ZFAND3: variants seen among roughly 807,000 people sequenced by gnomAD.
ZFAND3 encodes AN1-type zinc finger protein 3.
Under a neutral mutation model 29.6 loss-of-function variants are expected in ZFAND3, and 10 were observed. The ratio of observed to expected loss-of-function variants is 0.34; its 90% CI spans 0.21 to 0.57. The LOEUF (loss-of-function observed/expected upper bound fraction) is 0.57, where lower values mean the gene tolerates loss of function less well. Among genes scored for constraint, ZFAND3 ranks in the 20% least tolerant of loss-of-function variants. ZFAND3 has a pLI of 0.86. For synonymous variants in ZFAND3, 128 were observed against 112.6 expected, an observed-to-expected ratio of 1.14 and a Z score of -0.87; for missense variants, 230 against 304.5, an observed-to-expected ratio of 0.76 and a Z score of 1.82.
At chr6:37,937,370 C>T (rs1761716568) in intron 2 of ZFAND3, among the ~76,000 whole-genome samples, 1 of 152,122 alleles carries the variant, frequency 6.6e-6, no homozygotes, top group South Asian at 2.1e-4. Context: ...AAGAAAGCAA[C>T]TGTTGGCCAG....
chr6:38,125,657 C>G (rs770904049), intron 5 of ZFAND3, among the ~76,000 whole-genome samples: 1 of 152,142 alleles, frequency 6.6e-6, no homozygotes, highest in Admixed American at 6.5e-5. Context: ...AGTAACAGCA[C>G]AATAATAGTG....
intron 1 of ZFAND3, among the ~76,000 whole-genome samples, chr6:37,867,253 G>A (rs1437534970): frequency 6.6e-6 from 1 of 152,186 alleles, no homozygotes; most frequent in African/African-American, 2.4e-5. Context: ...TGTGGAACTT[G>A]CTTGCTGTGG....
At chr6:37,935,134 T>G (rs1443626730) in intron 2 of ZFAND3, among the ~76,000 whole-genome samples, 1 of 152,176 alleles carries the variant, frequency 6.6e-6, no homozygotes, top group East Asian at 1.9e-4. Context: ...TTGATTATTT[T>G]TATATTATTG....
intron 1 of ZFAND3, among the ~76,000 whole-genome samples, chr6:37,924,957 G>A (rs1225905478): frequency 6.6e-6 from 1 of 152,146 alleles, no homozygotes; most frequent in Non-Finnish European, 1.5e-5. Context: ...GAGCCCTACA[G>A]CACAGTCAGA....
chr6:37,875,220 G>GC (rs1281372390), intron 1 of ZFAND3, among the ~76,000 whole-genome samples: 2 of 151,924 alleles, frequency 1.3e-5, no homozygotes, highest in African/African-American at 4.8e-5. Flanking sequence ...ACTCACCCTG[G>GC]CCCCCCAATT....
Position 38,153,618 on chromosome 6 carries a change from C to A in ZFAND3, c.*1229C>A. On this transcript the variant is annotated 3_prime_UTR_variant, in exon 6 of 6. Coordinates refer to ENST00000287218, the MANE Select transcript of ZFAND3 (RefSeq NM_021943.3). The stretch of plus-strand genomic sequence containing the variant: ...TGAGGGTACATTTCTCCACCTGTGC[C>A]CCCTCATGTTCACAGAGGATTTCAG... 1 of 985,370 alleles carries A rather than the reference C, an allele frequency of 1.0e-6. No individual in the cohort carries two copies. Among genetic ancestry groups the A allele is most frequent in the Admixed American group, 6.1e-5 (1 of 16,268 alleles). The allele number at this position is 985,370 out of a possible 1,614,324, so 61.0% of individuals were successfully genotyped here. A position where few individuals can be genotyped will look rare whatever the true frequency, so the allele number is the denominator to read the frequency against.
At chr6:38,017,970 T>A (rs1003269928) in intron 2 of ZFAND3, among the ~76,000 whole-genome samples, 1 of 152,236 alleles carries the variant, frequency 6.6e-6, no homozygotes, top group African/African-American at 2.4e-5. Context: ...TACTTATAAT[T>A]TGCCCTTCCC....
intron 2 of ZFAND3, among the ~76,000 whole-genome samples, chr6:38,023,970 G>C (rs1257145894): frequency 6.6e-6 from 1 of 152,038 alleles, no homozygotes; most frequent in East Asian, 1.9e-4. Context: ...AGGGCACTAA[G>C]ATTGAGCCTG....
chr6:38,057,629 C>T (rs1483040863), intron 2 of ZFAND3, among the ~76,000 whole-genome samples: 1 of 152,094 alleles, frequency 6.6e-6, no homozygotes, highest in Non-Finnish European at 1.5e-5. Flanking sequence ...TAGCTATATG[C>T]CCAGTAAATA....
intron 2 of ZFAND3, among the ~76,000 whole-genome samples, chr6:37,960,908 C>A (rs1762183720): frequency 6.6e-6 from 1 of 151,734 alleles, no homozygotes; most frequent in African/African-American, 2.4e-5. Flanking sequence ...AATGAGACCC[C>A]ACCTTTACCA....
chr6:37,928,648 G>A (rs1761535623), intron 1 of ZFAND3, among the ~76,000 whole-genome samples: 1 of 152,100 alleles, frequency 6.6e-6, no homozygotes, highest in Non-Finnish European at 1.5e-5. Flanking sequence ...AGCCTCCCAA[G>A]TAGCTACAGA....
intron 2 of ZFAND3, among the ~76,000 whole-genome samples, chr6:38,034,070 G>A (rs146685237): frequency 6.6e-6 from 1 of 152,242 alleles, no homozygotes; most frequent in African/African-American, 2.4e-5. Context: ...AAAAAAAGTG[G>A]TAGTACAATG....
chr6:37,862,216 T>C (rs1764505515), intron 1 of ZFAND3, among the ~76,000 whole-genome samples: 1 of 152,172 alleles, frequency 6.6e-6, no homozygotes, highest in Non-Finnish European at 1.5e-5. Context: ...TTACTTTTTA[T>C]TGAATTTATT....
chr6:38,080,143 C>G (rs889227559), intron 3 of ZFAND3, among the ~76,000 whole-genome samples: 1 of 151,198 alleles, frequency 6.6e-6, no homozygotes, highest in African/African-American at 2.4e-5. Flanking sequence ...ACATCACACA[C>G]CAGAGCCTGT....
At chr6:37,898,145 CT>C (rs1192077261) in intron 1 of ZFAND3, among the ~76,000 whole-genome samples, 1 of 152,128 alleles carries the variant, frequency 6.6e-6, no homozygotes, top group African/African-American at 2.4e-5. Flanking sequence ...CGAGTTCATT[CT>C]TCTAGTTTTA....
At chr6:38,002,925 A>G (rs985038388) in intron 2 of ZFAND3, 3 of 152,198 alleles carry the variant, frequency 2.0e-5, no homozygotes, top group African/African-American at 7.2e-5. Context: ...AAAGCCACAT[A>G]CCTTGCTAAC....
chr6:38,034,059 G>GA (rs1283538399), intron 2 of ZFAND3, among the ~76,000 whole-genome samples: 1 of 152,054 alleles, frequency 6.6e-6, no homozygotes. Context: ...TTAGGGATCT[G>GA]AAAAAAAGTG....
chr6:37,912,714 G>C (rs1042562167), intron 1 of ZFAND3, among the ~76,000 whole-genome samples: 1 of 152,184 alleles, frequency 6.6e-6, no homozygotes. Flanking sequence ...GTAAGCATAT[G>C]ATAGGGATAT....
chr6:37,894,430 G>A (rs376468758), intron 1 of ZFAND3, among the ~76,000 whole-genome samples: 1 of 150,634 alleles, frequency 6.6e-6, no homozygotes, highest in African/African-American at 2.4e-5. Flanking sequence ...GTGCAGCCGT[G>A]TGATCATAGC....
Sources: allele counts gnomAD v4.1 joint callset (sites outside exome capture counted in the v4.1 genomes callset), GRCh38; gene constraint gnomAD v4.1.1; transcripts MANE v1.5; gene names NCBI Gene and HGNC (gene_info 2026-07-23, HGNC 2026-07-21).